The following CFAP54 variants were observed in gnomAD, a reference collection of about 807,000 sequenced individuals.
The protein encoded by CFAP54 is cilia and flagella associated protein 54.
Under a neutral mutation model 370.4 loss-of-function variants are expected in CFAP54, and 290 were observed. The ratio of observed to expected loss-of-function variants is 0.78; its 90% CI spans 0.71 to 0.86. The LOEUF is 0.86. CFAP54 is among the 40% of genes least tolerant of loss of function. The probability of loss-of-function intolerance (pLI) is 0.00; values close to 1 mark genes in which losing one functional copy is unlikely to be tolerated. For synonymous variants in CFAP54, 1,206 were observed against 1,236.5 expected (o/e 0.98, Z 0.52); for missense variants, 3,399 against 3,528.7 (o/e 0.96, Z 0.93).
chr12:96,595,797 A>G (rs929962987), intron 25 of CFAP54, among the ~76,000 whole-genome samples: 2 of 152,018 alleles, frequency 1.3e-5, no homozygotes, highest in Non-Finnish European at 2.9e-5. Context: ...CCGACCTGGT[A>G]TGGTCTTTCT....
rs1211319503 is a variant in CFAP54 at position 96,512,299 on chromosome 12, TTTTATATATATA to T, written c.740-685_740-674del. 1.5e-3 allele frequency among the ~76,000 whole-genome samples: 185 copies of T among 119,550 alleles called. 3 individuals carry two copies. Among genetic ancestry groups the T allele is most frequent in the Admixed American group, 4.4e-3 (44 of 9,988 alleles). The allele number at this position is 119,550 out of a possible 152,430, so 78.4% of individuals were successfully genotyped here. On this transcript the variant is annotated intron_variant, in intron 4 of 67. Coordinates refer to ENST00000524981, the MANE Select transcript of CFAP54 (RefSeq NM_001306084.2). Reference sequence around the variant, plus strand: ...ATGATAAGGAAACCATGGGAACCAATTTTATATATATATATATATATATATATATATATATAT... The same window carrying T: ...ATGATAAGGAAACCATGGGAACCAATTATATATATATATATATATATATAT...
chr12:96,595,900 T>G (rs1169766432), intron 25 of CFAP54, among the ~76,000 whole-genome samples: 1 of 152,132 alleles, frequency 6.6e-6, no homozygotes, highest in Non-Finnish European at 1.5e-5. Flanking sequence ...CTCTGAACCT[T>G]CATTGAGTCT....
chr12:96,740,154 G>A (rs1422503377), intron 51 of CFAP54, 93 bp downstream of exon 51: 6 of 716,640 alleles, frequency 8.4e-6, no homozygotes, highest in Admixed American at 5.9e-5. Flanking sequence ...ATGAAGCAAA[G>A]GAGTAAAGTA....
At chr12:96,871,484 C>A (rs1960165344) in intron 67 of CFAP54, among the ~76,000 whole-genome samples, 1 of 151,976 alleles carries the variant, frequency 6.6e-6, no homozygotes, top group Non-Finnish European at 1.5e-5. Flanking sequence ...ACGACGTTGC[C>A]CACAATGTAC....
chr12:96,754,704 C>T (rs1433742454), intron 56 of CFAP54, among the ~76,000 whole-genome samples: 1 of 151,994 alleles, frequency 6.6e-6, no homozygotes, highest in East Asian at 1.9e-4. Flanking sequence ...TAGAAGTTTC[C>T]TTTCCCATCC....
At position 96,685,148 on chromosome 12, in the gene CFAP54, C is replaced by T. The variant is rs764964729; in HGVS notation, c.5924C>T (p.Pro1975Leu). The stretch of plus-strand genomic sequence containing the variant: ...AATGTCACCAACAGTCATTCACCTC[C>T]GGGTTTCAAAGACTACAGTGAGGAG... ...LTNVTNSHSP[P>L]GFKDYSEEFL... The change falls in exon 42 of 68, where the codon CCG (proline) becomes CTG (leucine). Residue 1975 changes from proline (P) to leucine (L), a missense_variant. This residue lies in a region of CFAP54 where 2,796 missense variants were observed against 2,869.7 expected (regional missense o/e 0.97). Coordinates refer to ENST00000524981, the MANE Select transcript of CFAP54 (RefSeq NM_001306084.2). 5.2e-5 allele frequency: 84 copies of T among 1,614,000 alleles called. No homozygotes were observed. Among genetic ancestry groups the T allele is most frequent in the African/African-American group, 6.7e-5 (5 of 74,928 alleles).
chr12:96,751,078 C>T (rs1274265271), intron 55 of CFAP54, among the ~76,000 whole-genome samples: 1 of 151,804 alleles, frequency 6.6e-6, no homozygotes, highest in Non-Finnish European at 1.5e-5. Flanking sequence ...TTTTATAAGA[C>T]AAAAATAAAC....
At chr12:96,729,805 G>C (rs1479348444) in intron 50 of CFAP54, among the ~76,000 whole-genome samples, 1 of 152,162 alleles carries the variant, frequency 6.6e-6, no homozygotes, top group African/African-American at 2.4e-5. Context: ...CTGTAGACCG[G>C]AGCTGTTCCT....
At chr12:96,668,481 G>C (rs577428197) in intron 39 of CFAP54, among the ~76,000 whole-genome samples, 4 of 152,256 alleles carry the variant, frequency 2.6e-5, no homozygotes, top group South Asian at 2.1e-4. Context: ...GTGTGCAGGG[G>C]AACTCCCATT....
At chr12:96,506,504 T>C (rs1955102348) in intron 3 of CFAP54, among the ~76,000 whole-genome samples, 1 of 151,906 alleles carries the variant, frequency 6.6e-6, no homozygotes, top group African/African-American at 2.4e-5. Context: ...TTATCCATAA[T>C]TGTTTCCATT....
At chr12:96,657,258 C>T (rs974675364) in intron 36 of CFAP54, among the ~76,000 whole-genome samples, 12 of 152,182 alleles carry the variant, frequency 7.9e-5, no homozygotes, top group African/African-American at 2.7e-4. Flanking sequence ...AGGACATGCA[C>T]ACTATTGGTA....
chr12:96,792,241 A>G, intron 62 of CFAP54, 88 bp from the exon 63 acceptor site: 1 of 1,176,948 alleles, frequency 8.5e-7, no homozygotes, highest in Non-Finnish European at 1.1e-6. Context: ...ACAATCCCAG[A>G]ATTTTTCAAT....
At chr12:96,673,752 A>G (rs1453160863) in intron 39 of CFAP54, among the ~76,000 whole-genome samples, 3 of 152,194 alleles carry the variant, frequency 2.0e-5, no homozygotes, top group African/African-American at 7.2e-5. Context: ...GCTTTAGACC[A>G]TCATAGATTT....
chr12:96,536,990 A>ATTCAG (rs1324276331), intron 12 of CFAP54, among the ~76,000 whole-genome samples: 3 of 122,338 alleles, frequency 2.5e-5, no homozygotes, highest in Non-Finnish European at 3.3e-5. Context: ...ATTCAATACA[A>ATTCAG]TTCAATTCAA....
intron 32 of CFAP54, among the ~76,000 whole-genome samples, chr12:96,637,070 G>T (rs1956670866): frequency 6.6e-6 from 1 of 152,084 alleles, no homozygotes; most frequent in Non-Finnish European, 1.5e-5. Context: ...CTTTCCCTCA[G>T]CTTGAGGCAA....
At chr12:96,541,622 C>A (rs1212521194) in intron 14 of CFAP54, among the ~76,000 whole-genome samples, 3 of 152,034 alleles carry the variant, frequency 2.0e-5, no homozygotes, top group African/African-American at 7.2e-5. Flanking sequence ...GTTTTTCCTC[C>A]CCTTCCATTT....
intron 30 of CFAP54, among the ~76,000 whole-genome samples, chr12:96,629,755 C>A (rs1211343750): frequency 6.6e-6 from 1 of 152,140 alleles, no homozygotes; most frequent in East Asian, 1.9e-4. Context: ...GTGAGAGTTT[C>A]TGTAAATATA....
chr12:96,775,156 G>A (rs532330081), intron 60 of CFAP54, among the ~76,000 whole-genome samples: 4 of 152,196 alleles, frequency 2.6e-5, no homozygotes, highest in South Asian at 2.1e-4. Flanking sequence ...TGGGCCGGGC[G>A]CGGTGACTCA....
chr12:96,656,678 G>A (rs1956926947), intron 36 of CFAP54, among the ~76,000 whole-genome samples: 1 of 152,182 alleles, frequency 6.6e-6, no homozygotes, highest in Non-Finnish European at 1.5e-5. Flanking sequence ...ACCATGCCTG[G>A]CCCTCAGCTT....
Sources: allele counts gnomAD v4.1 joint callset (sites outside exome capture counted in the v4.1 genomes callset), GRCh38; gene constraint gnomAD v4.1.1; regional missense constraint gnomAD v4.1.1; transcripts MANE v1.5; gene names NCBI Gene and HGNC (gene_info 2026-07-23, HGNC 2026-07-21).